NUP133: variants seen among roughly 807,000 people sequenced by gnomAD.
The protein encoded by NUP133 is nuclear pore complex protein Nup133.
Under a neutral mutation model 146.2 loss-of-function variants are expected in NUP133, and 66 were observed. The observed-to-expected ratio is 0.45, with a 90% confidence interval of 0.37 to 0.55. The LOEUF (loss-of-function observed/expected upper bound fraction) is 0.55. NUP133 is among the 20% of genes least tolerant of loss of function. NUP133 has a pLI of 0.00. For missense variants in NUP133, 1,277 were observed against 1,374.8 expected, an observed-to-expected ratio of 0.93 and a Z score of 1.12; for synonymous variants, 521 against 498.8, an observed-to-expected ratio of 1.04 and a Z score of -0.59.
At chr1:229,504,886 T>C (rs933540956) in intron 2 of NUP133, among the ~76,000 whole-genome samples, 12 of 152,160 alleles carry the variant, frequency 7.9e-5, no homozygotes, top group African/African-American at 2.9e-4. Context: ...TGCCTAAAGG[T>C]TGTGAATCAA....
Position 229,478,772 on chromosome 1 carries a change from T to C in NUP133, c.1593-1012A>G, listed in dbSNP as rs141879575. On this transcript the variant is annotated intron_variant, in intron 12 of 25. Transcript: ENST00000261396. ...TTAGAGGACACGGTCTTGTAAACCATGTTATGGGGTTTGAACCTAATACCA... is the reference window on the plus strand; with the variant it reads ...TTAGAGGACACGGTCTTGTAAACCACGTTATGGGGTTTGAACCTAATACCA... Among the ~76,000 whole-genome samples the C allele has an allele frequency of 7.2e-3, 1,096 of 152,218 alleles. 17 individuals are homozygous for C. Among genetic ancestry groups the C allele is most frequent in the African/African-American group, 0.024 (1,012 of 41,524 alleles).
chr1:229,445,607 C>A (rs568663324), intron 24 of NUP133, among the ~76,000 whole-genome samples: 2 of 152,240 alleles, frequency 1.3e-5, no homozygotes, highest in Admixed American at 1.3e-4. Flanking sequence ...GCATGAGCCA[C>A]TGGACCCAGC....
At chr1:229,503,503 T>C (rs1290937677) in intron 2 of NUP133, among the ~76,000 whole-genome samples, 7 of 152,216 alleles carry the variant, frequency 4.6e-5, no homozygotes, top group Non-Finnish European at 1.0e-4. Context: ...CAAAACTAAA[T>C]TAGCACATAT....
In NUP133 at chr1:229,441,922, A is replaced by C; in HGVS notation, c.3453T>G (p.Tyr1151Ter). The C allele has an allele frequency of 6.3e-7, 1 of 1,580,366 alleles. No homozygotes were observed. Among genetic ancestry groups the C allele is most frequent in the Non-Finnish European group, 8.5e-7 (1 of 1,169,894 alleles). The change falls in exon 26 of 26, where the codon TAT becomes TAG. Residue 1151 changes from tyrosine (Y) to a stop codon, truncating the protein, a stop_gained. Coordinates refer to ENST00000261396, the MANE Select transcript of NUP133 (RefSeq NM_018230.3). LOFTEE classifies it high-confidence loss of function. Reference protein sequence around the residue: ...EFVLKANYEYYVQGQI With the variant: ...EFVLKANYEY The stretch of plus-strand genomic sequence containing the variant: ...GAAAAAGTTATATTTGTCCCTGAAC[A>C]TAATATTCATAATTTGCTTTCAAAA...
At chr1:229,485,780 G>T (rs1346187818) in intron 11 of NUP133, among the ~76,000 whole-genome samples, 3 of 152,180 alleles carry the variant, frequency 2.0e-5, no homozygotes, top group Non-Finnish European at 4.4e-5. Context: ...CAGAAGGGAT[G>T]AGGAAGATAA....
At chr1:229,499,231 G>A (rs1336737595) in intron 5 of NUP133, 1 of 471,050 alleles carries the variant, frequency 2.1e-6, no homozygotes, top group Non-Finnish European at 4.4e-6. Context: ...CTACAAAGAA[G>A]ATAATGCAAG....
intron 1 of NUP133, among the ~76,000 whole-genome samples, chr1:229,506,935 A>G (rs1028120354): frequency 1.3e-5 from 2 of 152,024 alleles, no homozygotes; most frequent in African/African-American, 2.4e-5. Flanking sequence ...TAAAAACTTT[A>G]TTTCTTGCTC....
chr1:229,465,576 T>A, intron 16 of NUP133, 57 bp from the exon 17 acceptor site: 1 of 1,294,502 alleles, frequency 7.7e-7, no homozygotes, highest in African/African-American at 1.5e-5. Context: ...ACAGTATTTC[T>A]GAAGATAATT....
At chr1:229,450,041 C>A (rs1434963000) in intron 23 of NUP133, among the ~76,000 whole-genome samples, 1 of 148,374 alleles carries the variant, frequency 6.7e-6, no homozygotes. Context: ...CCATACCCAT[C>A]TAATTTTTTT....
At chr1:229,481,090 C>T (rs1324760676) in intron 12 of NUP133, among the ~76,000 whole-genome samples, 1 of 152,060 alleles carries the variant, frequency 6.6e-6, no homozygotes, top group South Asian at 2.1e-4. Context: ...CTAGCTGACA[C>T]TCCCCCAGAA....
intron 12 of NUP133, among the ~76,000 whole-genome samples, chr1:229,482,721 C>T (rs1421649264): frequency 6.6e-6 from 1 of 152,200 alleles, no homozygotes; most frequent in Non-Finnish European, 1.5e-5. Context: ...CACGCTCTCA[C>T]TACAGCTGGA....
Position 229,464,621 on chromosome 1 carries a change from T to C in NUP133, c.2551+3A>G, listed in dbSNP as rs770210522. On this transcript the variant is annotated splice_donor_region_variant and intron_variant, in intron 18 of 25. Transcript: ENST00000261396. ...AAACTCTTGCCAAGTATCATGAACT[T>C]ACGAAGAGGAGATAAGAGATCTGAT... 2.3e-5 allele frequency: 37 copies of C among 1,613,450 alleles called. No homozygotes were observed. Among genetic ancestry groups the C allele is most frequent in the Non-Finnish European group, 3.1e-5 (36 of 1,179,490 alleles).
rs764840695 is a variant in NUP133 at position 229,452,666 on chromosome 1, G to A, written c.2981-23C>T. ...TTTCTAGTATTCAAGATGAGAGGGA[G>A]GGAAAGAGAATATGATGAAATTTGA... On this transcript the variant is annotated intron_variant, in intron 21 of 25. Transcript: ENST00000261396. The A allele has an allele frequency of 9.8e-6, 15 of 1,537,712 alleles. No individual in the cohort carries two copies. The Middle Eastern group carries it at 6.8e-4, about 70-fold the overall frequency.
rs1409356465 is a variant in NUP133 at position 229,500,869 on chromosome 1, G to A, written c.406-6C>T. ...AGTTCTTTGCAAACGGATAACTGTAGAACAAACCCAAACAGAAAATCTTTC... is the reference window on the plus strand; with the variant it reads ...AGTTCTTTGCAAACGGATAACTGTAAAACAAACCCAAACAGAAAATCTTTC... On this transcript the variant is annotated splice_region_variant and splice_polypyrimidine_tract_variant and intron_variant, in intron 3 of 25. Coordinates refer to ENST00000261396, the MANE Select transcript of NUP133 (RefSeq NM_018230.3). The A allele has an allele frequency of 1.9e-6, 3 of 1,584,710 alleles. No homozygotes were observed. Among genetic ancestry groups the A allele is most frequent in the Non-Finnish European group, 2.6e-6 (3 of 1,157,130 alleles).
chr1:229,468,647 G>T (rs1199477990), intron 15 of NUP133, among the ~76,000 whole-genome samples: 1 of 152,072 alleles, frequency 6.6e-6, no homozygotes, highest in Non-Finnish European at 1.5e-5. Flanking sequence ...ACACTAAATT[G>T]ACACTTATAC....
intron 14 of NUP133, among the ~76,000 whole-genome samples, chr1:229,472,084 C>G (rs1009647650): frequency 3.3e-5 from 5 of 152,112 alleles, no homozygotes; most frequent in Non-Finnish European, 5.9e-5. Flanking sequence ...CTTTGGGAGG[C>G]CGAGGCGGGC....
chr1:229,463,441 G>T, intron 19 of NUP133, 102 bp downstream of exon 19: 2 of 1,260,606 alleles, frequency 1.6e-6, no homozygotes, highest in Non-Finnish European at 2.2e-6. Flanking sequence ...CAAAAAGATC[G>T]TATCATATTC....
Position 229,490,057 on chromosome 1 carries a change from A to G in NUP133, c.1092T>C (p.Asn364=). The G allele has an allele frequency of 6.2e-7, 1 of 1,609,550 alleles. No individual in the cohort carries two copies. Among genetic ancestry groups the G allele is most frequent in the Non-Finnish European group, 8.5e-7 (1 of 1,176,896 alleles). Residue 364 remains asparagine, a synonymous_variant, in exon 9 of 26, where the codon AAT becomes AAC. Coordinates refer to ENST00000261396, the MANE Select transcript of NUP133 (RefSeq NM_018230.3). ...TCAGAGAGTAATAGATGAGACATGG[A>G]TTGTCTGCTGAGTGCCATGCTGCTG... The part of the protein sequence containing the change: ...ILAAAWHSAD[N]PCLIYYSLIT...
intron 23 of NUP133, among the ~76,000 whole-genome samples, chr1:229,449,853 A>T (rs923617443): frequency 1.5e-3 from 131 of 85,918 alleles, no homozygotes; most frequent in African/African-American, 6.1e-3. Context: ...TGAAGATTTT[A>T]TATATATATA....
Sources: gnomAD v4.1 joint callset for allele counts (sites outside exome capture counted in the v4.1 genomes callset) on GRCh38, gnomAD v4.1.1 for gene constraint, MANE v1.5 for transcripts, NCBI Gene and HGNC (gene_info 2026-07-23, HGNC 2026-07-21) for gene names.